LDLRAD4: variants seen among roughly 807,000 people sequenced by gnomAD.
LDLRAD4 encodes low-density lipoprotein receptor class A domain-containing protein 4.
LDLRAD4 carries 5 observed loss-of-function variants against 17.0 expected under a neutral mutation model. That is an observed-to-expected ratio of 0.29 (90% CI 0.15 to 0.62). LDLRAD4 has a LOEUF of 0.62. Ranked by LOEUF, LDLRAD4 falls within the 20% of genes least tolerant of loss-of-function variation. LDLRAD4 has a pLI of 0.84. For synonymous variants in LDLRAD4, 168 were observed against 171.8 expected (o/e 0.98, Z 0.17); for missense variants, 340 against 424.7 (o/e 0.80, Z 1.75).
At chr18:13,583,025 A>G (rs1298960643) in intron 3 of LDLRAD4, among the ~76,000 whole-genome samples, 1 of 152,050 alleles carries the variant, frequency 6.6e-6, no homozygotes, top group African/African-American at 2.4e-5. Context: ...TTGTATACTC[A>G]TCTGAATCAA....
At chr18:13,308,769 C>T (rs1380246499) in intron 1 of LDLRAD4, among the ~76,000 whole-genome samples, 3 of 152,236 alleles carry the variant, frequency 2.0e-5, no homozygotes, top group African/African-American at 7.2e-5. Flanking sequence ...TTCCCTAATG[C>T]GTGATAACGC....
intron 3 of LDLRAD4, among the ~76,000 whole-genome samples, chr18:13,475,823 G>A (rs1287337710): frequency 1.3e-5 from 2 of 152,234 alleles, no homozygotes; most frequent in Non-Finnish European, 2.9e-5. Context: ...AGGAGTCAAG[G>A]ACAATGGTGT....
intron 3 of LDLRAD4, among the ~76,000 whole-genome samples, chr18:13,468,033 C>T (rs1026848219): frequency 2.6e-5 from 4 of 151,988 alleles, no homozygotes; most frequent in Middle Eastern, 3.4e-3. Flanking sequence ...GCATAAAATT[C>T]GTAGGAGAAA....
At chr18:13,273,369 T>C (rs955069466), upstream of LDLRAD4, among the ~76,000 whole-genome samples, 1 of 152,150 alleles carries the variant, frequency 6.6e-6, no homozygotes, top group Non-Finnish European at 1.5e-5. Flanking sequence ...GGTGTGATCA[T>C]AGCTCACTGC....
intron 4 of LDLRAD4, among the ~76,000 whole-genome samples, chr18:13,626,960 C>T (rs2148861648): frequency 6.6e-6 from 1 of 152,366 alleles, no homozygotes; most frequent in South Asian, 2.1e-4. Flanking sequence ...GTGTTCGAAC[C>T]TAAGTTGATC....
chr18:13,345,579 G>T (rs2082632157), intron 1 of LDLRAD4, among the ~76,000 whole-genome samples: 2 of 152,166 alleles, frequency 1.3e-5, no homozygotes, highest in Non-Finnish European at 2.9e-5. Context: ...TTTGGTATCA[G>T]GATGATGCTG....
At chr18:13,475,427 ATTTTTT>A (rs35255496) in intron 3 of LDLRAD4, among the ~76,000 whole-genome samples, 11 of 131,138 alleles carry the variant, frequency 8.4e-5, no homozygotes, top group East Asian at 2.3e-4. Context: ...CACCCCGCTG[ATTTTTT>A]TTTTTTTTTT....
At chr18:13,271,068 T>A (rs999348310) in intron 1 of LDLRAD4, among the ~76,000 whole-genome samples, 1 of 152,222 alleles carries the variant, frequency 6.6e-6, no homozygotes, top group Admixed American at 6.5e-5. Flanking sequence ...ACCAATAATA[T>A]ATGTTTATTA....
chr18:13,287,533 A>G (rs927718332), intron 1 of LDLRAD4, among the ~76,000 whole-genome samples: 1 of 152,184 alleles, frequency 6.6e-6, no homozygotes, highest in Admixed American at 6.5e-5. Context: ...GGGTGGGGAC[A>G]TCCTCTGGAT....
intron 1 of LDLRAD4, among the ~76,000 whole-genome samples, chr18:13,370,812 G>A (rs1036383442): frequency 6.7e-6 from 1 of 148,588 alleles, no homozygotes; most frequent in East Asian, 2.0e-4. Context: ...CTGGGTTCAA[G>A]CGATTCTCCT....
At chr18:13,336,046 T>C (rs74460066) in intron 1 of LDLRAD4, among the ~76,000 whole-genome samples, 10,451 of 152,156 alleles carry the variant, frequency 0.069, 971 homozygotes, top group African/African-American at 0.21. Flanking sequence ...CTGAAAAGCA[T>C]AGTGGAGCTG....
At position 13,313,075 on chromosome 18, in the gene LDLRAD4, G is replaced by T. The variant is rs187480263; in HGVS notation, c.-383+34887G>T. On this transcript the variant is annotated intron_variant, in intron 1 of 5. Transcript: ENST00000359446. ...GTGCGTGCTGTGTGGCTTGATGTTT[G>T]TAAGGATTTTTGCAGGTCACATGCT... 2.9e-3 allele frequency among the ~76,000 whole-genome samples: 436 copies of T among 152,306 alleles called. 2 individuals are homozygous for T. The highest frequency in any genetic ancestry group is 4.4e-3 in the Admixed American group (68 of 15,304).
intron 1 of LDLRAD4, among the ~76,000 whole-genome samples, chr18:13,361,112 G>A (rs1029418063): frequency 3.3e-5 from 5 of 152,196 alleles, no homozygotes; most frequent in African/African-American, 9.7e-5. Context: ...CAGGAAGACC[G>A]TCAGCAGGGG....
chr18:13,239,193 A>AAAG lies in LDLRAD4; in HGVS notation c.-467+20207_-467+20208insGAA, dbSNP rs1170837069. Among the ~76,000 whole-genome samples the AAAG allele has an allele frequency of 2.4e-3, 340 of 144,142 alleles. 2 individuals carry two copies. Among genetic ancestry groups the AAAG allele is most frequent in the East Asian group, 0.018 (45 of 2,520 alleles). 94.6% of individuals were successfully genotyped at this position (144,142 alleles called of 152,430 possible). ...CAGAGCAAGACTCTGTCTCAAAAAA[A>AAAG]AAAAAAAAAAATTGCTGCTTGTAAC... On this transcript the variant is annotated intron_variant, in intron 1 of 5. Transcript: ENST00000399848.
At chr18:13,528,801 G>A (rs561028544) in intron 3 of LDLRAD4, among the ~76,000 whole-genome samples, 2 of 152,202 alleles carry the variant, frequency 1.3e-5, no homozygotes, top group Non-Finnish European at 2.9e-5. Flanking sequence ...CTCCTGCATA[G>A]CAGCGTTCCC....
intron 2 of LDLRAD4, chr18:13,420,624 T>C (rs2089354461): frequency 1.3e-5 from 2 of 152,228 alleles, no homozygotes. Flanking sequence ...GGGTTTAAAC[T>C]GGAGACCCTC....
intron 3 of LDLRAD4, chr18:13,614,510 T>C (rs1296641924): frequency 1.3e-5 from 2 of 152,298 alleles, no homozygotes; most frequent in Admixed American, 6.5e-5. Context: ...AAATTCAAAA[T>C]ATATAATGTA....
chr18:13,510,717 G>C (rs151124463), intron 3 of LDLRAD4, among the ~76,000 whole-genome samples: 1 of 152,190 alleles, frequency 6.6e-6, no homozygotes, highest in Non-Finnish European at 1.5e-5. Flanking sequence ...AGTCAGTTGG[G>C]TTGGCCTTTC....
intron 2 of LDLRAD4, among the ~76,000 whole-genome samples, chr18:13,388,559 C>G (rs1401507279): frequency 1.3e-5 from 2 of 152,198 alleles, no homozygotes; most frequent in African/African-American, 4.8e-5. Context: ...CAAGAAGTGA[C>G]CCTATTCTCT....
Sources: allele counts gnomAD v4.1 joint callset (sites outside exome capture counted in the v4.1 genomes callset), GRCh38; gene constraint gnomAD v4.1.1; transcripts MANE v1.5; gene names NCBI Gene and HGNC (gene_info 2026-07-23, HGNC 2026-07-21).